Variants in STK32B observed in about 807,000 individuals in gnomAD.
The protein encoded by STK32B is serine/threonine-protein kinase 32B.
A neutral mutation model predicts 52.6 loss-of-function variants in STK32B; 43 were observed. The observed-to-expected ratio is 0.82, with a 90% CI of 0.64 to 1.05. STK32B has a LOEUF of 1.05. STK32B is among the 50% of genes least tolerant of loss of function. STK32B has a pLI of 0.00. For missense variants in STK32B, 621 were observed against 534.6 expected (o/e 1.16, Z -1.59); for synonymous variants, 238 against 204.3 (o/e 1.17, Z -1.41).
chr4:5,113,376 C>A (rs1446435490), intron 1 of STK32B, among the ~76,000 whole-genome samples: 1 of 152,110 alleles, frequency 6.6e-6, no homozygotes, highest in Non-Finnish European at 1.5e-5. Flanking sequence ...TTATAAGCCA[C>A]CCAGTCTATG....
chr4:5,100,360 C>G (rs989258491), intron 1 of STK32B, among the ~76,000 whole-genome samples: 1 of 140,440 alleles, frequency 7.1e-6, no homozygotes, highest in Non-Finnish European at 1.6e-5. Flanking sequence ...TTCCTCCCCC[C>G]AGCTGCCTTT....
chr4:5,045,225 T>C, the STK32B span, among the ~76,000 whole-genome samples: 1 of 152,200 alleles, frequency 6.6e-6, no homozygotes, highest in Non-Finnish European at 1.5e-5. Context: ...GTACCTCTCA[T>C]CTCTTTCATC....
At chr4:5,166,790 T>C (rs999046497) in intron 2 of STK32B, among the ~76,000 whole-genome samples, 15 of 152,078 alleles carry the variant, frequency 9.9e-5, no homozygotes, top group Non-Finnish European at 1.6e-4. Flanking sequence ...TACAGCAACC[T>C]GAGGAACCCA....
chr4:5,059,580 A>G lies in STK32B; in HGVS notation c.52+7665A>G, dbSNP rs1742140305. ...ACACCACTTCATCATGATGTGATAT[A>G]TTCTTGGATTTGATTTGCCAACGTT... On this transcript the variant is annotated intron_variant, in intron 1 of 11. Transcript: ENST00000282908. Among the ~76,000 whole-genome samples the G allele has an allele frequency of 2.0e-5, 3 of 152,224 alleles. No homozygotes were observed. In the South Asian group the frequency reaches 6.2e-4, roughly 31 times the overall value.
chr4:5,355,271 C>T (rs539035570), intron 4 of STK32B, among the ~76,000 whole-genome samples: 5 of 152,120 alleles, frequency 3.3e-5, no homozygotes, highest in South Asian at 2.1e-4. Flanking sequence ...CTGCTATTAT[C>T]GTTATAATAT....
At chr4:5,322,305 AG>A (rs1731557828) in intron 3 of STK32B, among the ~76,000 whole-genome samples, 1 of 152,152 alleles carries the variant, frequency 6.6e-6, no homozygotes, top group African/African-American at 2.4e-5. Flanking sequence ...GGATTTCTGT[AG>A]CGTGTGAGGC....
intron 3 of STK32B, among the ~76,000 whole-genome samples, chr4:5,289,805 A>C (rs1728778819): frequency 6.7e-6 from 1 of 149,744 alleles, no homozygotes; most frequent in Non-Finnish European, 1.5e-5. Context: ...GGCCCCCCAA[A>C]GTGCTGGGAT....
chr4:5,204,378 G>A (rs1165959060), intron 3 of STK32B: 1 of 153,088 alleles, frequency 6.5e-6, no homozygotes, highest in Admixed American at 6.5e-5. Context: ...ACAGTGACAA[G>A]ACAACAGAGT....
intron 5 of STK32B, among the ~76,000 whole-genome samples, chr4:5,411,854 T>C (rs1163761128): frequency 6.6e-6 from 1 of 152,206 alleles, no homozygotes; most frequent in Non-Finnish European, 1.5e-5. Flanking sequence ...TAAGAGCATT[T>C]TGTTGTAGCA....
At chr4:5,278,064 G>T (rs1195042486) in intron 3 of STK32B, among the ~76,000 whole-genome samples, 1 of 152,172 alleles carries the variant, frequency 6.6e-6, no homozygotes, top group Non-Finnish European at 1.5e-5. Context: ...CTTATCATTG[G>T]CAGATGAGGT....
chr4:5,023,054 A>T, the STK32B span, among the ~76,000 whole-genome samples: 1 of 151,984 alleles, frequency 6.6e-6, no homozygotes, highest in African/African-American at 2.4e-5. Flanking sequence ...TCTGTGAAAG[A>T]CAGAGAGTGA....
At chr4:5,143,123 C>CG (rs1560174422) in intron 2 of STK32B, among the ~76,000 whole-genome samples, 1 of 149,732 alleles carries the variant, frequency 6.7e-6, no homozygotes, top group Non-Finnish European at 1.5e-5. Flanking sequence ...GTCTGTCTGT[C>CG]TGTCTGTCTA....
At chr4:5,213,301 A>G (rs1183588845) in intron 3 of STK32B, among the ~76,000 whole-genome samples, 1 of 152,096 alleles carries the variant, frequency 6.6e-6, no homozygotes, top group African/African-American at 2.4e-5. Context: ...ACTAATGATC[A>G]TTTTGCTTTC....
upstream of STK32B, among the ~76,000 whole-genome samples, chr4:5,050,245 T>C (rs1577608156): frequency 6.6e-6 from 1 of 152,304 alleles, no homozygotes; most frequent in South Asian, 2.1e-4. Flanking sequence ...TATTACCTGA[T>C]ATAATTCTCA....
At chr4:5,177,305 G>C (rs1208687689) in intron 3 of STK32B, among the ~76,000 whole-genome samples, 2 of 152,106 alleles carry the variant, frequency 1.3e-5, no homozygotes, top group South Asian at 2.1e-4. Context: ...AATGTCAGAT[G>C]CTTATAAAAC....
At chr4:5,397,088 G>A (rs1468500723) in intron 4 of STK32B, among the ~76,000 whole-genome samples, 3 of 152,212 alleles carry the variant, frequency 2.0e-5, no homozygotes, top group Admixed American at 6.5e-5. Flanking sequence ...ATATTGCATT[G>A]CATTACTACA....
At chr4:5,383,984 G>A (rs1011149321) in intron 4 of STK32B, among the ~76,000 whole-genome samples, 3 of 152,204 alleles carry the variant, frequency 2.0e-5, no homozygotes, top group South Asian at 2.1e-4. Flanking sequence ...GATAGGGAGC[G>A]CTGGGGAGCT....
chr4:5,308,528 GGTAT>G (rs918505795), intron 3 of STK32B, among the ~76,000 whole-genome samples: 12 of 152,136 alleles, frequency 7.9e-5, no homozygotes, highest in Non-Finnish European at 1.6e-4. Context: ...GTAAGTGTGT[GGTAT>G]GTGTCAATCA....
At chr4:5,057,137 AAAC>A (rs1379637977) in intron 1 of STK32B, among the ~76,000 whole-genome samples, 1 of 152,220 alleles carries the variant, frequency 6.6e-6, no homozygotes, top group Non-Finnish European at 1.5e-5. Flanking sequence ...TGGAAGATGA[AAAC>A]AATCACTTAT....
Sources: gnomAD v4.1 joint callset for allele counts (sites outside exome capture counted in the v4.1 genomes callset) on GRCh38, gnomAD v4.1.1 for gene constraint, MANE v1.5 for transcripts, NCBI Gene and HGNC (gene_info 2026-07-23, HGNC 2026-07-21) for gene names.